ARHGAP30: variants seen among roughly 807,000 people sequenced by gnomAD.
ARHGAP30 encodes the protein Rho GTPase activating protein 30, also known as rho GTPase-activating protein 30.
Under a neutral mutation model 72.0 loss-of-function variants are expected in ARHGAP30, and 23 were observed. The ratio of observed to expected loss-of-function variants is 0.32; its 90% CI spans 0.23 to 0.45. The LOEUF (loss-of-function observed/expected upper bound fraction) is 0.45. Ranked by LOEUF, ARHGAP30 falls within the 20% of genes least tolerant of loss-of-function variation. ARHGAP30 has a pLI of 1.00. For synonymous variants in ARHGAP30, 576 were observed against 528.2 expected (o/e 1.09, Z -1.24); for missense variants, 1,319 against 1,383.4 (o/e 0.95, Z 0.74).
Position 161,048,003 on chromosome 1 carries a change from G to C in ARHGAP30, c.3018C>G (p.Asp1006Glu). Reference protein sequence around the residue: ...SFDAAVALARDRQRTEAQGVR... With the variant: ...SFDAAVALARERQRTEAQGVR... ...CTCCTTGAGCCTCAGTCCTTTGGCGGTCCCGGGCTAGGGCCACAGCAGCAT... is the reference window on the plus strand; with the variant it reads ...CTCCTTGAGCCTCAGTCCTTTGGCGCTCCCGGGCTAGGGCCACAGCAGCAT... The change falls in exon 12 of 12, where the codon GAC (aspartate) becomes GAG (glutamate). Residue 1006 changes from aspartate to glutamate, a missense_variant. Asp to Glu is a conservative substitution (Grantham distance 45). Coordinates refer to ENST00000368013, the MANE Select transcript of ARHGAP30 (RefSeq NM_001025598.2). The C allele has an allele frequency of 1.9e-6, 3 of 1,614,130 alleles. No individual in the cohort carries two copies. The highest frequency in any genetic ancestry group is 2.5e-6 in the Non-Finnish European group (3 of 1,180,012).
At chr1:161,053,491 T>TCC in intron 5 of ARHGAP30, 106 bp from the exon 6 acceptor site, 1 of 1,291,876 alleles carries the variant, frequency 7.7e-7, no homozygotes, top group Non-Finnish European at 1.1e-6. Flanking sequence ...TCTCTCTCTC[T>TCC]CTCTCTCTCT....
In ARHGAP30 at chr1:161,052,614, A is replaced by G; in HGVS notation, c.836+12T>C. The G allele has an allele frequency of 6.2e-7, 1 of 1,613,834 alleles. No individual in the cohort carries two copies. Among genetic ancestry groups the G allele is most frequent in the Non-Finnish European group, 8.5e-7 (1 of 1,179,828 alleles). ...CGGTGCAGGGGAGGAAGGCCCAGGA[A>G]GGAGGCCTTACTTGTGCTCTGCAAT... On this transcript the variant is annotated intron_variant, in intron 7 of 11. Coordinates refer to ENST00000368013, the MANE Select transcript of ARHGAP30 (RefSeq NM_001025598.2).
intron 2 of ARHGAP30, among the ~76,000 whole-genome samples, chr1:161,057,875 A>G (rs10797091): frequency 0.8 from 120,901 of 151,824 alleles, 48,417 homozygotes; most frequent in African/African-American, 0.88. Context: ...CTGTGGGCTG[A>G]GCATGGTGGC....
In ARHGAP30 at chr1:161,049,604, C is replaced by G. The variant is rs764200345; in HGVS notation, c.1506G>C (p.Leu502=). The G allele has an allele frequency of 1.2e-6, 2 of 1,614,064 alleles. No individual in the cohort carries two copies. Among genetic ancestry groups the G allele is most frequent in the Non-Finnish European group, 8.5e-7 (1 of 1,179,972 alleles). The change falls in exon 11 of 12, where the codon CTG becomes CTC. Residue 502 remains leucine, a synonymous_variant. Transcript: ENST00000368013. ...DDLAPALEDS[L]SQEVQDSFSF... Reference sequence around the variant, plus strand: ...AGAAGGAGTCCTGCACCTCCTGGGACAGCGAGTCCTCCAGGGCAGGAGCCA... The same window carrying G: ...AGAAGGAGTCCTGCACCTCCTGGGAGAGCGAGTCCTCCAGGGCAGGAGCCA...
intron 1 of ARHGAP30, among the ~76,000 whole-genome samples, chr1:161,064,261 C>G (rs1401966421): frequency 1.3e-5 from 2 of 152,194 alleles, no homozygotes; most frequent in Non-Finnish European, 2.9e-5. Flanking sequence ...TTTTATTTCT[C>G]AAGCCAGCCG....
At chr1:161,050,045 C>A (rs1431761351) in intron 10 of ARHGAP30, among the ~76,000 whole-genome samples, 5 of 152,182 alleles carry the variant, frequency 3.3e-5, no homozygotes, top group African/African-American at 4.8e-5. Context: ...GAACCCAAGT[C>A]TACTTAACTC....
chr1:161,056,588 G>T, intron 2 of ARHGAP30, 56 bp from the exon 3 acceptor site: 1 of 1,578,132 alleles, frequency 6.3e-7, no homozygotes, highest in Non-Finnish European at 8.6e-7. Flanking sequence ...GTGGGGAGAG[G>T]TGGGTCCCTA....
At chr1:161,067,750 A>T (rs77814460) in intron 1 of ARHGAP30, among the ~76,000 whole-genome samples, 1 of 152,126 alleles carries the variant, frequency 6.6e-6, no homozygotes, top group East Asian at 1.9e-4. Flanking sequence ...ATCAGGGAGG[A>T]TAAATTAAGC....
intron 1 of ARHGAP30, among the ~76,000 whole-genome samples, chr1:161,066,452 GC>G (rs1274636231): frequency 1.3e-5 from 2 of 150,676 alleles, no homozygotes; most frequent in African/African-American, 4.9e-5. Flanking sequence ...TTCAAGACTA[GC>G]CTGGCCAACA....
At position 161,048,912 on chromosome 1, in the gene ARHGAP30, G is replaced by A. The variant is rs1651114875; in HGVS notation, c.2109C>T (p.Val703=). The A allele has an allele frequency of 1.2e-6, 2 of 1,613,794 alleles. No individual in the cohort carries two copies. The highest frequency in any genetic ancestry group is 1.7e-5 in the Admixed American group (1 of 59,980). Residue 703 remains valine (V), a synonymous_variant, in exon 12 of 12, where the codon GTC becomes GTT. Coordinates refer to ENST00000368013, the MANE Select transcript of ARHGAP30 (RefSeq NM_001025598.2). The part of the protein sequence containing the change: ...GEAGGSQETK[V]RLREGSREET... ...CTTCCCTACTCCCTTCTCTCAATCT[G>A]ACTTTTGTCTCTTGGCTTCCCCCAG...
rs905277360 is a variant in ARHGAP30, at chr1:161,048,372, A to G, written c.2649T>C (p.Ser883=). Residue 883 remains serine (S), a synonymous_variant, in exon 12 of 12, where the codon TCT becomes TCC. Coordinates refer to ENST00000368013, the MANE Select transcript of ARHGAP30 (RefSeq NM_001025598.2). ...DCAKEGNPHS[S]EMEEVAPQPP... The stretch of plus-strand genomic sequence containing the variant: ...GCTGTGGGGCTACCTCTTCCATCTC[A>G]GAAGAGTGAGGATTGCCCTCTTTGG... The G allele has an allele frequency of 6.2e-7, 1 of 1,614,118 alleles. No individual in the cohort carries two copies. The highest frequency in any genetic ancestry group is 1.3e-5 in the African/African-American group (1 of 75,032).
At chr1:161,067,300 C>T (rs990221987) in intron 1 of ARHGAP30, among the ~76,000 whole-genome samples, 4 of 152,034 alleles carry the variant, frequency 2.6e-5, no homozygotes, top group Non-Finnish European at 2.9e-5. Flanking sequence ...CGGCCAGGTG[C>T]GGTGGCTCAC....
In ARHGAP30 at chr1:161,066,462, C is replaced by T. The variant is rs142347559; in HGVS notation, c.97+3066G>A. Among the ~76,000 whole-genome samples, 426 of 150,906 alleles carry T rather than the reference C, an allele frequency of 2.8e-3. 2 individuals carry two copies. The highest frequency in any genetic ancestry group is 0.01 in the African/African-American group (417 of 41,024). ...AGGAGTTCAAGACTAGCCTGGCCAA[C>T]ATGGCAAAACCCCGTCTCCACTAAA... On this transcript the variant is annotated intron_variant, in intron 1 of 11. Coordinates refer to ENST00000368013, the MANE Select transcript of ARHGAP30 (RefSeq NM_001025598.2).
intron 1 of ARHGAP30, among the ~76,000 whole-genome samples, chr1:161,064,075 C>T (rs1431445571): frequency 6.6e-6 from 1 of 152,218 alleles, no homozygotes. Context: ...TTCTGTTACC[C>T]TGTTAAGTAC....
Position 161,052,669 on chromosome 1 carries a change from G to C in ARHGAP30, c.793C>G (p.Gln265Glu). The change falls in exon 7 of 12, where the codon CAG becomes GAG. Residue 265 changes from glutamine to glutamate, a missense_variant. Transcript: ENST00000368013. ...ATGATAGTATGGTAGGGCCGCATCTGTGGGGGTCCATCGCCAGCCTGCAGT... is the reference window on the plus strand; with the variant it reads ...ATGATAGTATGGTAGGGCCGCATCTCTGGGGGTCCATCGCCAGCCTGCAGT... ...SILQAGDGPP[Q>E]MRPYHTIIEI... 2 of 1,613,880 alleles carry C rather than the reference G, an allele frequency of 1.2e-6. No homozygotes were observed. The highest frequency in any genetic ancestry group is 1.7e-6 in the Non-Finnish European group (2 of 1,179,970).
intron 1 of ARHGAP30, among the ~76,000 whole-genome samples, chr1:161,063,314 C>T (rs996867021): frequency 3.9e-5 from 6 of 152,178 alleles, no homozygotes; most frequent in Non-Finnish European, 4.4e-5. Context: ...GGCAGAAGAA[C>T]GTGGATTGTG....
In ARHGAP30 at chr1:161,048,235, A is replaced by C. The variant is rs1386371004; in HGVS notation, c.2786T>G (p.Val929Gly). 1 of 1,614,062 alleles carries C rather than the reference A, an allele frequency of 6.2e-7. No individual in the cohort carries two copies. The highest frequency in any genetic ancestry group is 2.2e-5 in the East Asian group (1 of 44,896). ...GVGMRLASTL[V>G]QVQQVRSVPV... is the part of the protein sequence containing the mutation. ...CACAGAGCGGACCTGTTGGACCTGA[A>C]CCAGAGTGGAAGCTAGACGCATGCC... Residue 929 changes from valine (V) to glycine (G), a missense_variant, in exon 12 of 12, where the codon GTT becomes GGT. Physicochemically the swap from Val to Gly is moderately radical, Grantham distance 109 (BLOSUM62 -3). Around this residue, in one of 2 missense-constraint regions of ARHGAP30, gnomAD observed 1,097 missense variants for 1,045.2 expected, o/e 1.05. Coordinates refer to ENST00000368013, the MANE Select transcript of ARHGAP30 (RefSeq NM_001025598.2).
chr1:161,054,492 G>C lies in ARHGAP30; in HGVS notation c.429-19C>G. ...CAGGGTCCTGCAGAAAGCGGGGGCA[G>C]GGATCACACAGGGAATGCCCAGGGC... On this transcript the variant is annotated intron_variant, in intron 4 of 11. Coordinates refer to ENST00000368013, the MANE Select transcript of ARHGAP30 (RefSeq NM_001025598.2). The C allele has an allele frequency of 6.2e-7, 1 of 1,611,862 alleles. No homozygotes were observed. Among genetic ancestry groups the C allele is most frequent in the Non-Finnish European group, 8.5e-7 (1 of 1,178,046 alleles).
chr1:161,067,799 G>A (rs1032701409), intron 1 of ARHGAP30, among the ~76,000 whole-genome samples: 3 of 152,072 alleles, frequency 2.0e-5, no homozygotes, highest in Non-Finnish European at 2.9e-5. Flanking sequence ...TTTTGTGGAT[G>A]TTGGATTAAA....
Sources: allele counts gnomAD v4.1 joint callset (sites outside exome capture counted in the v4.1 genomes callset), GRCh38; gene constraint gnomAD v4.1.1; regional missense constraint gnomAD v4.1.1; transcripts MANE v1.5; gene names NCBI Gene and HGNC (gene_info 2026-07-23, HGNC 2026-07-21).